The following GLB1L3 variants were observed in gnomAD, a reference collection of about 807,000 sequenced individuals.
The protein encoded by GLB1L3 is beta-galactosidase-1-like protein 3.
GLB1L3 carries 89 observed loss-of-function variants against 89.5 expected under a neutral mutation model. The observed-to-expected ratio is 0.99, with a 90% CI of 0.84 to 1.19. The LOEUF (loss-of-function observed/expected upper bound fraction) is 1.19, where lower values mean the gene tolerates loss of function less well. Ranked by LOEUF, GLB1L3 falls within the 50% of genes most tolerant of loss-of-function variation. The pLI is 0.00. For synonymous variants in GLB1L3, 314 were observed against 312.3 expected (o/e 1.01, Z -0.06); for missense variants, 812 against 813.3 (o/e 1.00, Z 0.02).
chr11:134,323,865 A>C (rs1052115943), downstream of GLB1L3, among the ~76,000 whole-genome samples: 1 of 152,150 alleles, frequency 6.6e-6, no homozygotes, highest in African/African-American at 2.4e-5. Flanking sequence ...GTCTTGCATA[A>C]AGTAAAGAGA....
At chr11:134,293,388 C>T (rs1315892098) in intron 9 of GLB1L3, among the ~76,000 whole-genome samples, 179 bp downstream of exon 9, 1 of 152,066 alleles carries the variant, frequency 6.6e-6, no homozygotes, top group Non-Finnish European at 1.5e-5. Flanking sequence ...AGGAGGGAAC[C>T]CTGCTTGTGT....
intron 10 of GLB1L3, among the ~76,000 whole-genome samples, chr11:134,308,105 C>G (rs1942284040): frequency 7.0e-6 from 1 of 142,974 alleles, no homozygotes; most frequent in African/African-American, 2.5e-5. Flanking sequence ...ATAATGCCAG[C>G]AACAATACCA....
rs150974663 is a variant in GLB1L3 at position 134,312,535 on chromosome 11, C to T, written c.1428+46C>T. 5 of 1,598,246 alleles carry T rather than the reference C, an allele frequency of 3.1e-6. No homozygotes were observed. In the African/African-American group the frequency reaches 5.3e-5, roughly 17 times the overall value. ...GTGTGGGAAGCAAAGTGCATCACCT[C>T]CCCATGCTGTCGGGCAGGGTAGTTG... On this transcript the variant is annotated intron_variant, in intron 14 of 19. Coordinates refer to ENST00000431683, the MANE Select transcript of GLB1L3 (RefSeq NM_001080407.3).
intron 9 of GLB1L3, 98 bp from the exon 10 acceptor site, chr11:134,307,026 C>T (rs573901743): frequency 2.7e-4 from 208 of 765,446 alleles, no homozygotes; most frequent in Non-Finnish European, 3.9e-4. Flanking sequence ...AAAGGAGAAA[C>T]GCATGAGTTC....
rs375662007 is a variant in GLB1L3, at chr11:134,310,522, G to T, written c.1100-49G>T. The T allele has an allele frequency of 4.2e-5, 60 of 1,443,666 alleles. 1 individual carries two copies. The African/African-American group carries it at 5.6e-4, about 13-fold the overall frequency. 89.4% of individuals were successfully genotyped at this position (1,443,666 alleles called of 1,614,324 possible). A position where few individuals can be genotyped will look rare whatever the true frequency, so the allele number is the denominator to read the frequency against. On this transcript the variant is annotated intron_variant, in intron 11 of 19. Coordinates refer to ENST00000431683, the MANE Select transcript of GLB1L3 (RefSeq NM_001080407.3). ...CTCCTGCCAGCGGTGCTGAAACAGG[G>T]CCTCCTGCAGAGACTGCATGGCTGG...
chr11:134,290,190 G>A (rs1941267828), intron 7 of GLB1L3, among the ~76,000 whole-genome samples: 1 of 148,478 alleles, frequency 6.7e-6, no homozygotes, highest in African/African-American at 2.4e-5. Flanking sequence ...TATTTAATCG[G>A]TTGTATTCAG....
At chr11:134,282,223 A>G (rs1257881480) in intron 5 of GLB1L3, 103 bp downstream of exon 5, 38 of 1,346,942 alleles carry the variant, frequency 2.8e-5, no homozygotes, top group Non-Finnish European at 3.7e-5. Context: ...TTATTCACGG[A>G]GCCGATGGGA....
At chr11:134,310,999 G>A in intron 12 of GLB1L3, 65 bp from the exon 13 acceptor site, 2 of 1,126,828 alleles carry the variant, frequency 1.8e-6, no homozygotes, top group Non-Finnish European at 2.7e-6. Context: ...GATAGGCATG[G>A]GGGGCTTAGA....
intron 11 of GLB1L3, chr11:134,310,139 TC>T: frequency 2.6e-6 from 1 of 384,244 alleles, no homozygotes; most frequent in Non-Finnish European, 4.7e-6. Flanking sequence ...TCTTTTGGCT[TC>T]CCTGGGCCAC....
At chr11:134,295,862 T>C (rs1941608303) in intron 9 of GLB1L3, among the ~76,000 whole-genome samples, 1 of 152,240 alleles carries the variant, frequency 6.6e-6, no homozygotes, top group Non-Finnish European at 1.5e-5. Context: ...TGAGACTTTC[T>C]TTATTCCATG....
chr11:134,302,700 G>A (rs1942008617), intron 9 of GLB1L3, among the ~76,000 whole-genome samples: 1 of 151,990 alleles, frequency 6.6e-6, no homozygotes, highest in African/African-American at 2.4e-5. Flanking sequence ...CAATTTTTAG[G>A]TGTGATTCTT....
chr11:134,308,656 C>T (rs1942555215), intron 10 of GLB1L3, among the ~76,000 whole-genome samples: 1 of 138,518 alleles, frequency 7.2e-6, no homozygotes, highest in South Asian at 2.4e-4. Context: ...CCACCATCAT[C>T]ACCACCACCA....
chr11:134,312,962 A>G (rs1144216), intron 15 of GLB1L3, 75 bp downstream of exon 15: 793,291 of 1,030,042 alleles, frequency 0.77, 307,763 homozygotes, highest in Admixed American at 0.85. Flanking sequence ...TGAGACAGTC[A>G]GCCTCCCTTC....
At chr11:134,297,719 G>T (rs780604502) in intron 9 of GLB1L3, among the ~76,000 whole-genome samples, 38 of 151,886 alleles carry the variant, frequency 2.5e-4, no homozygotes, top group Non-Finnish European at 3.8e-4. Flanking sequence ...AATTAGCTGG[G>T]CATGGTGGTG....
chr11:134,314,035 T>G lies in GLB1L3; in HGVS notation c.1667+7T>G, dbSNP rs972615999. On this transcript the variant is annotated splice_region_variant and intron_variant, in intron 17 of 19. Coordinates refer to ENST00000431683, the MANE Select transcript of GLB1L3 (RefSeq NM_001080407.3). Reference sequence around the variant, plus strand: ...AAATGAGCTTCTTTGAGAGGTATGCTCCAGCTGGCCCCCAGTGCACACTTC... The same window carrying G: ...AAATGAGCTTCTTTGAGAGGTATGCGCCAGCTGGCCCCCAGTGCACACTTC... The G allele has an allele frequency of 2.5e-6, 4 of 1,588,262 alleles. No individual in the cohort carries two copies. The South Asian group carries it at 4.5e-5, about 18-fold the overall frequency.
chr11:134,310,147 C>A lies in GLB1L3; in HGVS notation c.1099+384C>A, dbSNP rs547292084. 8 of 380,528 alleles carry A rather than the reference C, an allele frequency of 2.1e-5. No individual in the cohort carries two copies. The South Asian group carries it at 2.1e-4, about 10-fold the overall frequency. The allele number at this position is 380,528 out of a possible 1,614,324, so 23.6% of individuals were successfully genotyped here. A position where few individuals can be genotyped will look rare whatever the true frequency, so the allele number is the denominator to read the frequency against. On this transcript the variant is annotated intron_variant, in intron 11 of 19. Transcript: ENST00000431683. The stretch of plus-strand genomic sequence containing the variant: ...TGTCCACTCTTTTGGCTTCCCTGGG[C>A]CACACTGGAAGAAGAAGAATTGTCT...
At chr11:134,308,574 T>TTATCAC (rs1942523373) in intron 10 of GLB1L3, among the ~76,000 whole-genome samples, 1 of 55,956 alleles carries the variant, frequency 1.8e-5, no homozygotes, top group Non-Finnish European at 3.6e-5. Context: ...ACCACCACCA[T>TTATCAC]CACCATCACC....
At chr11:134,287,031 G>C (rs574670338) in intron 6 of GLB1L3, 1 of 151,312 alleles carries the variant, frequency 6.6e-6, no homozygotes, top group East Asian at 2.0e-4. Flanking sequence ...CGTGGTGGCG[G>C]GCGCCTGTAG....
intron 6 of GLB1L3, chr11:134,287,144 G>C (rs972276156): frequency 7.2e-5 from 11 of 152,254 alleles, no homozygotes; most frequent in African/African-American, 1.2e-4. Context: ...CTGGGCGCCA[G>C]AGTGAGACTC....
Sources: allele counts gnomAD v4.1 joint callset (sites outside exome capture counted in the v4.1 genomes callset), GRCh38; gene constraint gnomAD v4.1.1; transcripts MANE v1.5; gene names NCBI Gene and HGNC (gene_info 2026-07-23, HGNC 2026-07-21).